The following NRG3 variants were observed in gnomAD, a reference collection of about 807,000 sequenced individuals.
The protein encoded by NRG3 is pro-neuregulin-3, membrane-bound isoform.
Under a neutral mutation model 66.9 loss-of-function variants are expected in NRG3, and 31 were observed. The observed-to-expected ratio is 0.46, with a 90% CI of 0.35 to 0.63. NRG3 has a LOEUF of 0.63. NRG3 is among the 20% of genes least tolerant of loss of function. The pLI, the probability that NRG3 is intolerant of heterozygous loss-of-function variation, is 0.00. For synonymous variants in NRG3, 393 were observed against 359.4 expected (o/e 1.09, Z -1.06); for missense variants, 910 against 878.9 (o/e 1.04, Z -0.45).
At chr10:82,719,469 A>G (rs1297054989) in intron 2 of NRG3, among the ~76,000 whole-genome samples, 1 of 152,148 alleles carries the variant, frequency 6.6e-6, no homozygotes, top group Non-Finnish European at 1.5e-5. Flanking sequence ...CCCTTCTTCT[A>G]TTCTGTTCCC....
intron 4 of NRG3, among the ~76,000 whole-genome samples, chr10:82,909,458 T>C (rs916423522): frequency 6.6e-6 from 1 of 151,900 alleles, no homozygotes; most frequent in Admixed American, 6.5e-5. Context: ...CAGGTTGCAG[T>C]CAAAACACAA....
At chr10:82,826,295 A>G (rs1405588218) in intron 3 of NRG3, among the ~76,000 whole-genome samples, 1 of 152,216 alleles carries the variant, frequency 6.6e-6, no homozygotes. Context: ...CTATGACTCC[A>G]TTTGGTATCC....
intron 3 of NRG3, among the ~76,000 whole-genome samples, chr10:82,785,139 A>T (rs184984544): frequency 6.7e-6 from 1 of 148,920 alleles, no homozygotes; most frequent in Non-Finnish European, 1.5e-5. Context: ...TCACTCATAG[A>T]TGGGAATTGA....
chr10:82,173,162 G>A (rs568881425), intron 1 of NRG3, among the ~76,000 whole-genome samples: 2 of 152,226 alleles, frequency 1.3e-5, no homozygotes, highest in South Asian at 2.1e-4. Flanking sequence ...TATGTTAGTG[G>A]CATGGAAGTA....
At chr10:82,422,365 A>G (rs1322388180) in intron 2 of NRG3, among the ~76,000 whole-genome samples, 1 of 152,078 alleles carries the variant, frequency 6.6e-6, no homozygotes, top group Non-Finnish European at 1.5e-5. Context: ...ATTAATATGC[A>G]CAATGACCTT....
At chr10:82,570,024 T>C (rs917003098) in intron 2 of NRG3, among the ~76,000 whole-genome samples, 12 of 151,620 alleles carry the variant, frequency 7.9e-5, no homozygotes, top group African/African-American at 2.9e-4. Context: ...TCATCCACAA[T>C]GCCAAAAGTA....
intron 2 of NRG3, among the ~76,000 whole-genome samples, chr10:82,548,555 A>ACACG (rs1590622052): frequency 6.8e-6 from 1 of 147,438 alleles, no homozygotes; most frequent in East Asian, 2.0e-4. Flanking sequence ...ACACACACAC[A>ACACG]CACACGCACA....
At chr10:82,218,840 G>GT (rs557526467) in intron 1 of NRG3, among the ~76,000 whole-genome samples, 204 of 152,260 alleles carry the variant, frequency 1.3e-3, no homozygotes, top group African/African-American at 4.7e-3. Context: ...TGGATTCAAA[G>GT]TAAGGGCTAG....
chr10:82,835,863 A>G lies in NRG3; in HGVS notation c.1028-29548A>G, dbSNP rs187881008. Among the ~76,000 whole-genome samples the G allele has an allele frequency of 8.0e-4, 122 of 152,244 alleles. 3 individuals carry two copies. The highest frequency in any genetic ancestry group is 1.8e-3 in the Admixed American group (27 of 15,260). ...AGAAAGAATGCCTCGCTTAAGTTCA[A>G]TTCAGTCCTGTACACTCAGAGTGAT... On this transcript the variant is annotated intron_variant, in intron 3 of 8. Transcript: ENST00000372141.
intron 2 of NRG3, among the ~76,000 whole-genome samples, chr10:82,714,495 A>G (rs997698549): frequency 6.6e-6 from 1 of 152,190 alleles, no homozygotes; most frequent in Non-Finnish European, 1.5e-5. Flanking sequence ...CAAAAAACAG[A>G]AACAATGTTT....
intron 1 of NRG3, among the ~76,000 whole-genome samples, chr10:82,087,183 G>A (rs1447518192): frequency 6.6e-6 from 1 of 152,104 alleles, no homozygotes; most frequent in African/African-American, 2.4e-5. Flanking sequence ...GGTTTTATGA[G>A]AAAGTAATGA....
rs537913430 is a variant in NRG3, at chr10:82,430,762, T to G, written c.953+71894T>G. Among the ~76,000 whole-genome samples the G allele has an allele frequency of 2.5e-4, 38 of 152,294 alleles. No homozygotes were observed. In the South Asian group the frequency reaches 7.5e-3, roughly 30 times the overall value. On this transcript the variant is annotated intron_variant, in intron 2 of 8. Coordinates refer to ENST00000372141, the MANE Select transcript of NRG3 (RefSeq NM_001010848.4). ...CTACTAAAGTATTTACTGGGATGGTTTGGTGTCAGCTAATGGTTGGAATAT... is the reference window on the plus strand; with the variant it reads ...CTACTAAAGTATTTACTGGGATGGTGTGGTGTCAGCTAATGGTTGGAATAT...
At chr10:82,360,189 G>T (rs1589845162) in intron 2 of NRG3, among the ~76,000 whole-genome samples, 1 of 152,192 alleles carries the variant, frequency 6.6e-6, no homozygotes, top group Non-Finnish European at 1.5e-5. Flanking sequence ...GGGGAGTGGG[G>T]ATTGTTTCTC....
At chr10:82,669,394 G>T (rs1301221594) in intron 2 of NRG3, among the ~76,000 whole-genome samples, 1 of 151,950 alleles carries the variant, frequency 6.6e-6, no homozygotes, top group Admixed American at 6.6e-5. Context: ...ATTTTCTTGG[G>T]TTGGACACAG....
intron 1 of NRG3, among the ~76,000 whole-genome samples, chr10:81,903,947 A>G (rs1224044706): frequency 1.3e-5 from 2 of 151,590 alleles, no homozygotes; most frequent in East Asian, 3.9e-4. Context: ...AAACATGTAT[A>G]TATCCACCTT....
intron 2 of NRG3, among the ~76,000 whole-genome samples, chr10:82,633,714 C>T (rs1044979947): frequency 2.6e-5 from 4 of 152,086 alleles, no homozygotes; most frequent in Admixed American, 2.0e-4. Context: ...TCTGTTTCCA[C>T]GAGACGTTAC....
At chr10:81,958,328 C>T (rs751322348) in intron 1 of NRG3, among the ~76,000 whole-genome samples, 8 of 152,110 alleles carry the variant, frequency 5.3e-5, no homozygotes, top group South Asian at 2.1e-4. Flanking sequence ...AGGAAAAACA[C>T]GTTTATAAGC....
At chr10:82,013,856 A>G (rs988510255) in intron 1 of NRG3, among the ~76,000 whole-genome samples, 2 of 152,264 alleles carry the variant, frequency 1.3e-5, no homozygotes, top group African/African-American at 4.8e-5. Flanking sequence ...AATAATGACA[A>G]TTTATTCGTA....
intron 4 of NRG3, among the ~76,000 whole-genome samples, chr10:82,893,915 A>G (rs1041106366): frequency 6.6e-5 from 10 of 152,222 alleles, no homozygotes; most frequent in Admixed American, 6.5e-4. Flanking sequence ...AAAATGAAAT[A>G]AAAATTATCA....
Sources: gnomAD v4.1 joint callset for allele counts (sites outside exome capture counted in the v4.1 genomes callset) on GRCh38, gnomAD v4.1.1 for gene constraint, MANE v1.5 for transcripts, NCBI Gene and HGNC (gene_info 2026-07-23, HGNC 2026-07-21) for gene names.